The following PLCB3 variants were observed in gnomAD, a reference collection of about 807,000 sequenced individuals.
The protein encoded by PLCB3 is 1-phosphatidylinositol 4,5-bisphosphate phosphodiesterase beta-3.
PLCB3 carries 54 observed loss-of-function variants against 152.1 expected under a neutral mutation model. The observed-to-expected ratio is 0.36, with a 90% CI of 0.29 to 0.45. The LOEUF is 0.45. Among genes scored for constraint, PLCB3 ranks in the 20% least tolerant of loss-of-function variants. The probability of loss-of-function intolerance (pLI) is 1.00; values close to 1 mark genes in which losing one functional copy is unlikely to be tolerated. For synonymous variants in PLCB3, 717 were observed against 698.7 expected (o/e 1.03, Z -0.41); for missense variants, 1,248 against 1,687.5 (o/e 0.74, Z 4.56).
chr11:64,254,488 A>G lies in PLCB3; in HGVS notation c.173A>G (p.Asn58Ser), dbSNP rs761692401. 2 of 1,613,506 alleles carry G rather than the reference A, an allele frequency of 1.2e-6. No homozygotes were observed. The highest frequency in any genetic ancestry group is 1.3e-5 in the African/African-American group (1 of 74,928). ...NGFFLYWTGPNMEVDTLDISS... is the reference protein window; with the variant it reads ...NGFFLYWTGPSMEVDTLDISS... ...TTCTTCTTGTACTGGACGGGCCCCA[A>G]CATGGTGAGGGTGGGCGCTGGTGCA... Residue 58 changes from asparagine to serine, a missense_variant, in exon 2 of 31, where the codon AAC becomes AGC. Transcript: ENST00000279230.
chr11:64,265,771 T>A, intron 25 of PLCB3, 115 bp from the exon 26 acceptor site: 1 of 1,386,588 alleles, frequency 7.2e-7, no homozygotes, highest in Middle Eastern at 2.6e-4. Context: ...ATAACAGACC[T>A]GGCCCCATGG....
chr11:64,252,512 C>T (rs1266098270), intron 1 of PLCB3, among the ~76,000 whole-genome samples: 1 of 152,236 alleles, frequency 6.6e-6, no homozygotes, highest in Non-Finnish European at 1.5e-5. Flanking sequence ...CCCTTCCTTC[C>T]CTAGGGCCTC....
In PLCB3 at chr11:64,255,321, C is replaced by T. The variant is rs1300362279; in HGVS notation, c.467+8C>T. 3 of 1,613,786 alleles carry T rather than the reference C, an allele frequency of 1.9e-6. No homozygotes were observed. The highest frequency in any genetic ancestry group is 2.2e-5 in the South Asian group (2 of 91,078). On this transcript the variant is annotated splice_region_variant and intron_variant, in intron 5 of 30. Coordinates refer to ENST00000279230, the MANE Select transcript of PLCB3 (RefSeq NM_000932.5). The surrounding 1 kb of genome is among the most constrained non-coding windows in gnomAD (Gnocchi z 6.8). ...CACCTTCCTGCGCAAAGCGTGAGCCCCAGGCCACCCGAGGGGGAGCCGGGG... is the reference window on the plus strand; with the variant it reads ...CACCTTCCTGCGCAAAGCGTGAGCCTCAGGCCACCCGAGGGGGAGCCGGGG...
At position 64,262,020 on chromosome 11, in the gene PLCB3, C is replaced by T; in HGVS notation, c.1982C>T (p.Pro661Leu). Residue 661 changes from proline to leucine, a missense_variant, in exon 17 of 31, where the codon CCC becomes CTC. By Grantham distance (98) the Pro-to-Leu change is moderately conservative. Coordinates refer to ENST00000279230, the MANE Select transcript of PLCB3 (RefSeq NM_000932.5). ...GTRVDSSNYM[P>L]QLFWNVGCQL... ...CGCGTGGACTCCTCCAACTACATGC[C>T]CCAGCTCTTCTGGAACGTAGGGTGC... is the stretch of plus-strand genomic sequence containing the variant. 1 of 1,614,210 alleles carries T rather than the reference C, an allele frequency of 6.2e-7. No homozygotes were observed. The highest frequency in any genetic ancestry group is 8.5e-7 in the Non-Finnish European group (1 of 1,180,024).
Position 64,251,546 on chromosome 11 carries a change from G to C in PLCB3, c.-104G>C, listed in dbSNP as rs968674126. The C allele has an allele frequency of 2.0e-3, 640 of 318,824 alleles. 1 individual carries two copies. The highest frequency in any genetic ancestry group is 3.0e-3 in the Non-Finnish European group (568 of 191,200). 19.7% of individuals were successfully genotyped at this position (318,824 alleles called of 1,614,324 possible). A position where few individuals can be genotyped will look rare whatever the true frequency, so the allele number is the denominator to read the frequency against. On this transcript the variant is annotated 5_prime_UTR_variant, in exon 1 of 31. Transcript: ENST00000279230. Reference sequence around the variant, plus strand: ...GTCCGGGACAGACTGGCGGGCGGGCGGGCACTGACGCCGCGGGGCCGGAGC... The same window carrying C: ...GTCCGGGACAGACTGGCGGGCGGGCCGGCACTGACGCCGCGGGGCCGGAGC...
downstream of PLCB3, chr11:64,269,284 A>C (rs1474899108): frequency 6.6e-6 from 1 of 152,408 alleles, no homozygotes; most frequent in Non-Finnish European, 1.5e-5. Context: ...TGCCCTGCCG[A>C]TTCCGGGCCC....
intron 25 of PLCB3, 73 bp downstream of exon 25, chr11:64,265,575 G>A (rs1040134387): frequency 6.7e-7 from 1 of 1,500,288 alleles, no homozygotes; most frequent in East Asian, 2.5e-5. Context: ...GGTGGGCATG[G>A]AGAGATGGCA....
In PLCB3 at chr11:64,259,228, C is replaced by G; in HGVS notation, c.1509C>G (p.Pro503=). Residue 503 remains proline (P), a synonymous_variant, in exon 13 of 31, where the codon CCC becomes CCG. Transcript: ENST00000279230. ...ALSESSAATE[P]SSPQLGSPSS... is the part of the protein sequence containing the mutation. ...GCGAGAGCTCCGCGGCCACCGAGCC[C>G]TCCTCCCCGCAGCTGGGTAGGCCCC... is the stretch of plus-strand genomic sequence containing the variant. 6.5e-7 allele frequency: 1 copy of G among 1,544,314 alleles called. No homozygotes were observed. Among genetic ancestry groups the G allele is most frequent in the Non-Finnish European group, 8.7e-7 (1 of 1,146,094 alleles).
intron 10 of PLCB3, among the ~76,000 whole-genome samples, chr11:64,257,918 C>G (rs2031623464): frequency 6.6e-6 from 1 of 152,138 alleles, no homozygotes; most frequent in South Asian, 2.1e-4. Flanking sequence ...CTTTGAAAGG[C>G]TGAGGCGTGT....
At position 64,267,270 on chromosome 11, in the gene PLCB3, A is replaced by C; in HGVS notation, c.3500A>C (p.Lys1167Thr). The change falls in exon 30 of 31, where the codon AAG becomes ACG. Residue 1167 changes from lysine to threonine, a missense_variant and splice_region_variant. Physicochemically the swap from Lys to Thr is moderately conservative, Grantham distance 78. Transcript: ENST00000279230. This position sits in a 1 kb window ranked among gnomAD's most constrained non-coding sequence, Gnocchi z 5.2. ...CAACAGCTGGCAGAAGAGGAGCCCA[A>C]GGTGAGGCCATGGGCGAACAGGTGG... ...VLQQLAEEEP[K>T]LLAQLAQECQ... 6.4e-7 allele frequency: 1 copy of C among 1,550,944 alleles called. No individual in the cohort carries two copies. Among genetic ancestry groups the C allele is most frequent in the Non-Finnish European group, 8.7e-7 (1 of 1,146,888 alleles).
In PLCB3 at chr11:64,254,813, C is replaced by T. The variant is rs1450134066; in HGVS notation, c.243C>T (p.Pro81=). 6.2e-7 allele frequency: 1 copy of T among 1,613,852 alleles called. No individual in the cohort carries two copies. Residue 81 remains proline, a synonymous_variant, in exon 3 of 31, where the codon CCC becomes CCT. Coordinates refer to ENST00000279230, the MANE Select transcript of PLCB3 (RefSeq NM_000932.5). ...GGACAGGCCGGTACGCCCGCCTGCC[C>T]AAGGTGAGTGATGAGCCTGGGAGTG... ...DTRTGRYARL[P]KDPKIREVLG...
rs762031101 is a variant in PLCB3, at chr11:64,265,081, C to T, written c.2783C>T (p.Ala928Val). 6.5e-7 allele frequency: 1 copy of T among 1,545,536 alleles called. No homozygotes were observed. Among genetic ancestry groups the T allele is most frequent in the South Asian group, 1.2e-5 (1 of 83,912 alleles). Residue 928 changes from alanine (A) to valine (V), a missense_variant, in exon 23 of 31, where the codon GCC (alanine) becomes GTC (valine). By Grantham distance (64) the Ala-to-Val change is moderately conservative. Coordinates refer to ENST00000279230, the MANE Select transcript of PLCB3 (RefSeq NM_000932.5). ...RRPPGPTTSP[A>V]STSLSSPGQR... Reference sequence around the variant, plus strand: ...CCCCCTGGCCCCACCACCTCCCCTGCCAGCACCTCCCTCAGCAGCCCAGGT... The same window carrying T: ...CCCCCTGGCCCCACCACCTCCCCTGTCAGCACCTCCCTCAGCAGCCCAGGT...
At chr11:64,252,935 C>T (rs767979934) in intron 1 of PLCB3, among the ~76,000 whole-genome samples, 2 of 152,142 alleles carry the variant, frequency 1.3e-5, no homozygotes, top group South Asian at 2.1e-4. Context: ...ATAGACTCCC[C>T]GCTCTGCACA....
In PLCB3 at chr11:64,258,327, C is replaced by T. The variant is rs890415844; in HGVS notation, c.1013-146C>T. The T allele has an allele frequency of 3.7e-5, 32 of 868,912 alleles. 1 individual carries two copies. Among genetic ancestry groups the T allele is most frequent in the South Asian group, 3.5e-4 (20 of 57,174 alleles). The allele number at this position is 868,912 out of a possible 1,614,324, so 53.8% of individuals were successfully genotyped here. A position where few individuals can be genotyped will look rare whatever the true frequency, so the allele number is the denominator to read the frequency against. ...CTCAGGGATGACTCCCCCCAGCTCA[C>T]GCTGGTGGGATGGACAGGTGGTGGG... On this transcript the variant is annotated intron_variant, in intron 10 of 30. Transcript: ENST00000279230. This position sits in a 1 kb window ranked among gnomAD's most constrained non-coding sequence, Gnocchi z 7.2.
chr11:64,254,198 G>A (rs1008081057), intron 1 of PLCB3, among the ~76,000 whole-genome samples: 4 of 152,144 alleles, frequency 2.6e-5, no homozygotes, highest in Non-Finnish European at 4.4e-5. Flanking sequence ...GTGAGGCTGG[G>A]AAGAGGCTTT....
chr11:64,255,542 A>G lies in PLCB3; in HGVS notation c.523A>G (p.Ile175Val). ...CTGAACCCCTCCTGCCCGCATCAGC[A>G]TCCTGAAGATGTTCTCAGCAGACAA... ...NQDGRIPVKN[I>V]LKMFSADKKR... Residue 175 changes from isoleucine (I) to valine (V), a missense_variant and splice_region_variant, in exon 7 of 31, where the codon ATC becomes GTC. This residue lies in a region of PLCB3 where 299 missense variants were observed against 434.7 expected (regional missense o/e 0.69). Coordinates refer to ENST00000279230, the MANE Select transcript of PLCB3 (RefSeq NM_000932.5). The surrounding 1 kb of genome is among the most constrained non-coding windows in gnomAD (Gnocchi z 6.8). The G allele has an allele frequency of 6.2e-7, 1 of 1,613,976 alleles. No individual in the cohort carries two copies. Among genetic ancestry groups the G allele is most frequent in the African/African-American group, 1.3e-5 (1 of 74,994 alleles).
intron 22 of PLCB3, 148 bp downstream of exon 22, chr11:64,264,260 C>T (rs2135063246): frequency 1.9e-6 from 1 of 531,416 alleles, no homozygotes; most frequent in East Asian, 3.2e-5. Context: ...GAAAACCACC[C>T]ATTTGCATTC....
intron 13 of PLCB3, among the ~76,000 whole-genome samples, chr11:64,259,649 C>G (rs1472568874): frequency 1.3e-5 from 2 of 152,140 alleles, no homozygotes; most frequent in Non-Finnish European, 2.9e-5. Flanking sequence ...TCACCCCTGA[C>G]TGTTCACCTC....
At chr11:64,252,361 A>C (rs1286965405) in intron 1 of PLCB3, among the ~76,000 whole-genome samples, 6 of 135,286 alleles carry the variant, frequency 4.4e-5, no homozygotes, top group Admixed American at 7.5e-5. Context: ...TTTGCTCCCC[A>C]CTCCTTAGGC....
Sources: allele counts gnomAD v4.1 joint callset (sites outside exome capture counted in the v4.1 genomes callset), GRCh38; gene constraint gnomAD v4.1.1; regional missense constraint gnomAD v4.1.1; non-coding constraint Gnocchi (gnomAD v3.1); transcripts MANE v1.5; gene names NCBI Gene and HGNC (gene_info 2026-07-23, HGNC 2026-07-21).